SGCZ: variants seen among roughly 807,000 people sequenced by gnomAD.
SGCZ encodes zeta-sarcoglycan.
Under a neutral mutation model 41.3 loss-of-function variants are expected in SGCZ, and 40 were observed. That is an observed-to-expected ratio of 0.97 (90% CI 0.75 to 1.26). The LOEUF is 1.26. Ranked by LOEUF, SGCZ falls within the 50% of genes most tolerant of loss-of-function variation. The pLI is 0.00. For synonymous variants in SGCZ, 206 were observed against 137.5 expected (o/e 1.50, Z -3.49); for missense variants, 552 against 369.8 (o/e 1.49, Z -4.04).
At chr8:14,318,134 T>C (rs1193513793) in intron 3 of SGCZ, among the ~76,000 whole-genome samples, 1 of 151,406 alleles carries the variant, frequency 6.6e-6, no homozygotes, top group Non-Finnish European at 1.5e-5. Context: ...ATTCCAATTA[T>C]GGTATTGGGG....
intron 1 of SGCZ, among the ~76,000 whole-genome samples, chr8:14,755,207 G>T (rs1799621702): frequency 6.6e-6 from 1 of 151,862 alleles, no homozygotes; most frequent in Admixed American, 6.6e-5. Context: ...CAGTATAATA[G>T]AATTCAAATT....
intron 3 of SGCZ, among the ~76,000 whole-genome samples, chr8:14,304,888 T>C (rs1480522938): frequency 1.3e-5 from 2 of 152,162 alleles, no homozygotes; most frequent in African/African-American, 4.8e-5. Flanking sequence ...CAGTAAGACA[T>C]TGCCTAAAGT....
rs551026647 is a variant in SGCZ at position 14,423,182 on chromosome 8, G to A, written c.235-98978C>T. Among the ~76,000 whole-genome samples the A allele has an allele frequency of 1.3e-4, 19 of 151,914 alleles. No homozygotes were observed. The East Asian group carries it at 3.7e-3, about 30-fold the overall frequency. On this transcript the variant is annotated intron_variant, in intron 2 of 7. Coordinates refer to ENST00000382080, the MANE Select transcript of SGCZ (RefSeq NM_139167.4). ...TGTTGTGGGGTGGGCGGAGGGGGGA[G>A]GGATAGCATTAGGAGATATACCTAA...
chr8:14,191,531 AT>A, intron 4 of SGCZ, among the ~76,000 whole-genome samples: 1 of 152,256 alleles, frequency 6.6e-6, no homozygotes, highest in East Asian at 1.9e-4. Flanking sequence ...TAAGGCTCTA[AT>A]TTTATTCTTT....
chr8:14,530,192 C>G (rs1484908409), intron 2 of SGCZ, among the ~76,000 whole-genome samples: 3 of 151,616 alleles, frequency 2.0e-5, no homozygotes, highest in Non-Finnish European at 4.4e-5. Context: ...CTTAAGAGGC[C>G]TAAGCTAAAA....
chr8:14,386,706 G>A (rs3860043), intron 2 of SGCZ, among the ~76,000 whole-genome samples: 53,707 of 152,008 alleles, frequency 0.35, 10,443 homozygotes, highest in African/African-American at 0.52. Flanking sequence ...TGGGCTGCCA[G>A]AAGTTCATAT....
chr8:14,359,635 T>C (rs530926095), intron 2 of SGCZ, among the ~76,000 whole-genome samples: 1 of 152,212 alleles, frequency 6.6e-6, no homozygotes, highest in South Asian at 2.1e-4. Flanking sequence ...ATTAAGGCTG[T>C]AAGTCTCTCA....
At chr8:14,677,179 G>T (rs1427141469) in intron 1 of SGCZ, among the ~76,000 whole-genome samples, 3 of 151,750 alleles carry the variant, frequency 2.0e-5, no homozygotes, top group Non-Finnish European at 2.9e-5. Context: ...GAGAAAGTGG[G>T]AACTGAAATT....
At chr8:15,087,078 T>C (rs538127810) in intron 1 of SGCZ, among the ~76,000 whole-genome samples, 4 of 152,194 alleles carry the variant, frequency 2.6e-5, no homozygotes, top group African/African-American at 9.6e-5. Context: ...ACTGTAGAAT[T>C]AAGTAAATCA....
intron 1 of SGCZ, among the ~76,000 whole-genome samples, chr8:14,852,537 A>G (rs1803368443): frequency 6.6e-6 from 1 of 152,196 alleles, no homozygotes; most frequent in South Asian, 2.1e-4. Context: ...CACCAGCCCA[A>G]AGTAACAAAC....
chr8:14,795,450 T>A (rs2130482854), intron 1 of SGCZ, among the ~76,000 whole-genome samples: 1 of 152,228 alleles, frequency 6.6e-6, no homozygotes, highest in African/African-American at 2.4e-5. Context: ...TTTGTTTGTT[T>A]TTGTTTCTTT....
At chr8:14,486,692 C>A (rs949940158) in intron 2 of SGCZ, among the ~76,000 whole-genome samples, 2 of 152,180 alleles carry the variant, frequency 1.3e-5, no homozygotes, top group East Asian at 1.9e-4. Flanking sequence ...TGCGCCTCAG[C>A]CTTCCAAGTA....
At chr8:14,107,203 G>A (rs554656624) in intron 6 of SGCZ, among the ~76,000 whole-genome samples, 5 of 150,416 alleles carry the variant, frequency 3.3e-5, no homozygotes, top group South Asian at 2.1e-4. Context: ...GTGACAGAAC[G>A]AGACTCCATC....
chr8:14,869,164 A>G (rs954911200), intron 1 of SGCZ, among the ~76,000 whole-genome samples: 1 of 152,232 alleles, frequency 6.6e-6, no homozygotes. Flanking sequence ...AATATCCCTG[A>G]TGAACATCAA....
intron 1 of SGCZ, among the ~76,000 whole-genome samples, chr8:14,612,509 G>A (rs1369781043): frequency 6.6e-6 from 1 of 152,120 alleles, no homozygotes; most frequent in Non-Finnish European, 1.5e-5. Flanking sequence ...AGCACTGTGA[G>A]AATGGACTAA....
At chr8:14,963,337 T>A (rs1801025212) in intron 1 of SGCZ, among the ~76,000 whole-genome samples, 1 of 112,824 alleles carries the variant, frequency 8.9e-6, no homozygotes, top group Non-Finnish European at 1.9e-5. Flanking sequence ...TTCTTTTTCT[T>A]CTTTTTTTTT....
intron 4 of SGCZ, among the ~76,000 whole-genome samples, chr8:14,183,657 G>A (rs1338721884): frequency 2.0e-5 from 3 of 152,078 alleles, no homozygotes; most frequent in Non-Finnish European, 4.4e-5. Context: ...CCACCCATGA[G>A]AAAAGCGTTT....
At chr8:14,238,542 A>C (rs1020183477) in intron 3 of SGCZ, among the ~76,000 whole-genome samples, 1 of 152,216 alleles carries the variant, frequency 6.6e-6, no homozygotes, top group Non-Finnish European at 1.5e-5. Context: ...ATTTAACAGT[A>C]AAACAGTTGA....
At chr8:14,389,143 G>A (rs1013312046) in intron 2 of SGCZ, among the ~76,000 whole-genome samples, 1 of 151,916 alleles carries the variant, frequency 6.6e-6, no homozygotes, top group Non-Finnish European at 1.5e-5. Context: ...TACTGTTGAG[G>A]TGAGTATTAG....
Sources: gnomAD v4.1 joint callset for allele counts (sites outside exome capture counted in the v4.1 genomes callset) on GRCh38, gnomAD v4.1.1 for gene constraint, MANE v1.5 for transcripts, NCBI Gene and HGNC (gene_info 2026-07-23, HGNC 2026-07-21) for gene names.